Variants in STX17 observed in about 807,000 individuals in gnomAD.
STX17 encodes syntaxin-17.
A neutral mutation model predicts 35.9 loss-of-function variants in STX17; 29 were observed. The observed-to-expected ratio is 0.81, with a 90% CI of 0.60 to 1.10. STX17 has a LOEUF of 1.10. STX17 is among the 50% of genes least tolerant of loss of function. STX17 has a pLI of 0.00. For missense variants in STX17, 312 were observed against 352.3 expected (o/e 0.89, Z 0.92); for synonymous variants, 92 against 118.3 (o/e 0.78, Z 1.44).
At chr9:99,911,204 T>C (rs1451309653) in intron 1 of STX17, among the ~76,000 whole-genome samples, 2 of 151,908 alleles carry the variant, frequency 1.3e-5, no homozygotes, top group Admixed American at 1.3e-4. Context: ...CCTGGCTAAT[T>C]TTTTGTATTT....
Position 99,929,421 on chromosome 9 carries a change from T to G in STX17, c.189+578T>G, listed in dbSNP as rs895511968. On this transcript the variant is annotated intron_variant, in intron 3 of 7. Transcript: ENST00000259400. ...ATTTTAACATAATTTTTAAAAATAA[T>G]ATATTTACATGGTTTTAAAAGCCAA... Among the ~76,000 whole-genome samples the G allele has an allele frequency of 4.0e-5, 6 of 151,768 alleles. No homozygotes were observed. The South Asian group carries it at 1.2e-3, about 31-fold the overall frequency.
chr9:99,950,264 T>C (rs1829566802), intron 3 of STX17, among the ~76,000 whole-genome samples: 1 of 151,914 alleles, frequency 6.6e-6, no homozygotes. Flanking sequence ...TGTGAAGAAA[T>C]AGGCAATCAT....
rs2118561785 is a variant in STX17, at chr9:99,971,088, A to G, written c.*2415A>G. ...AATTGCTAGAAGAGTTTGATCAACT[A>G]TAAATGATAAAGTGTTTATAAGCAT... On this transcript the variant is annotated 3_prime_UTR_variant, in exon 8 of 8. Coordinates refer to ENST00000259400, the MANE Select transcript of STX17 (RefSeq NM_017919.3). 6.6e-6 allele frequency among the ~76,000 whole-genome samples: 1 copy of G among 152,354 alleles called. No individual in the cohort carries two copies. Among genetic ancestry groups the G allele is most frequent in the South Asian group, 2.1e-4 (1 of 4,832 alleles).
At chr9:99,927,006 C>T (rs566045740) in intron 2 of STX17, among the ~76,000 whole-genome samples, 53 of 152,284 alleles carry the variant, frequency 3.5e-4, no homozygotes, top group African/African-American at 1.2e-3. Flanking sequence ...TTTCTGACCA[C>T]GGGTTGTTCC....
chr9:99,928,638 A>G, intron 2 of STX17, 140 bp from the exon 3 acceptor site: 1 of 514,962 alleles, frequency 1.9e-6, no homozygotes. Context: ...GTGTTTGGAA[A>G]GTTAATTACC....
chr9:99,950,396 A>G (rs1829569534), intron 3 of STX17, among the ~76,000 whole-genome samples: 1 of 151,884 alleles, frequency 6.6e-6, no homozygotes, highest in Non-Finnish European at 1.5e-5. Context: ...TACACAAAAT[A>G]ATATATTAAT....
intron 4 of STX17, among the ~76,000 whole-genome samples, chr9:99,951,708 A>G (rs1302266175): frequency 3.3e-5 from 5 of 151,974 alleles, no homozygotes; most frequent in Non-Finnish European, 1.5e-5. Context: ...ATAACTGACA[A>G]CATTAAGTAA....
At chr9:99,961,085 A>G (rs1040854822) in intron 6 of STX17, among the ~76,000 whole-genome samples, 1 of 152,184 alleles carries the variant, frequency 6.6e-6, no homozygotes, top group South Asian at 2.1e-4. Context: ...AGCATAAGGT[A>G]CCATGGGCAA....
chr9:99,964,792 T>C (rs889604154), intron 6 of STX17, among the ~76,000 whole-genome samples: 3 of 152,104 alleles, frequency 2.0e-5, no homozygotes, highest in African/African-American at 7.2e-5. Flanking sequence ...CAGCTCTGTA[T>C]GGAGTCTGGT....
chr9:99,930,688 TAC>T (rs1829103311), intron 3 of STX17, among the ~76,000 whole-genome samples: 1 of 152,238 alleles, frequency 6.6e-6, no homozygotes, highest in Non-Finnish European at 1.5e-5. Context: ...TTTCTGTGTT[TAC>T]ATCTCTATTT....
rs1829042797 is a variant in STX17, at chr9:99,928,763, C to G, written c.124-15C>G. 1.3e-6 allele frequency: 1 copy of G among 766,420 alleles called. No individual in the cohort carries two copies. Among genetic ancestry groups the G allele is most frequent in the South Asian group, 1.6e-5 (1 of 62,134 alleles). 47.5% of individuals were successfully genotyped at this position (766,420 alleles called of 1,614,324 possible). ...TGATGAAAAATTTAATACCTCCCTT[C>G]TTTCTTTTATATAGTATCAAAGGTG... On this transcript the variant is annotated splice_polypyrimidine_tract_variant and intron_variant, in intron 2 of 7. Transcript: ENST00000259400.
At chr9:99,958,839 G>A (rs1055558519) in intron 4 of STX17, among the ~76,000 whole-genome samples, 2 of 152,214 alleles carry the variant, frequency 1.3e-5, no homozygotes, top group Admixed American at 6.5e-5. Flanking sequence ...CATCATAGCA[G>A]TGTTTAATGG....
At chr9:99,943,958 G>T (rs1234230278) in intron 3 of STX17, among the ~76,000 whole-genome samples, 1 of 151,992 alleles carries the variant, frequency 6.6e-6, no homozygotes, top group Admixed American at 6.5e-5. Context: ...TTTTGGTTTT[G>T]TGTGGCGAGG....
At chr9:99,959,199 G>A (rs1216561600) in intron 4 of STX17, among the ~76,000 whole-genome samples, 1 of 151,966 alleles carries the variant, frequency 6.6e-6, no homozygotes, top group Non-Finnish European at 1.5e-5. Flanking sequence ...TATTCAGATT[G>A]GATAGATAGT....
intron 4 of STX17, among the ~76,000 whole-genome samples, chr9:99,952,260 C>A (rs548020857): frequency 9.2e-5 from 14 of 152,166 alleles, no homozygotes; most frequent in Admixed American, 2.6e-4. Flanking sequence ...ATTTATGCAG[C>A]CAAAAAACAC....
At position 99,974,339 on chromosome 9, in the gene STX17, G is replaced by A. The variant is rs553597631; in HGVS notation, c.*5666G>A. ...CTAAAAAGGTGTTTACTTGGGTTTCGTTAACTAAACCCCCTAAAGATGTTT... is the reference window on the plus strand; with the variant it reads ...CTAAAAAGGTGTTTACTTGGGTTTCATTAACTAAACCCCCTAAAGATGTTT... On this transcript the variant is annotated 3_prime_UTR_variant, in exon 8 of 8. Transcript: ENST00000259400. 8.5e-5 allele frequency among the ~76,000 whole-genome samples: 13 copies of A among 152,150 alleles called. No homozygotes were observed. Among genetic ancestry groups the A allele is most frequent in the African/African-American group, 2.2e-4 (9 of 41,420 alleles).
At chr9:99,959,616 C>A (rs1829787560) in intron 4 of STX17, among the ~76,000 whole-genome samples, 1 of 151,994 alleles carries the variant, frequency 6.6e-6, no homozygotes, top group Non-Finnish European at 1.5e-5. Context: ...TGTGCCACTA[C>A]ACCTGGCTAA....
intron 1 of STX17, among the ~76,000 whole-genome samples, chr9:99,908,190 T>G (rs547075773): frequency 3.9e-5 from 6 of 152,342 alleles, no homozygotes; most frequent in Admixed American, 2.6e-4. Flanking sequence ...GATCACTTGG[T>G]AGAGAGTGTC....
intron 3 of STX17, among the ~76,000 whole-genome samples, chr9:99,935,868 G>A (rs982384034): frequency 2.6e-5 from 4 of 152,178 alleles, no homozygotes; most frequent in African/African-American, 9.7e-5. Context: ...ATGTGGCATA[G>A]TCAAGAAATA....
Sources: gnomAD v4.1 joint callset for allele counts (sites outside exome capture counted in the v4.1 genomes callset) on GRCh38, gnomAD v4.1.1 for gene constraint, MANE v1.5 for transcripts, NCBI Gene and HGNC (gene_info 2026-07-23, HGNC 2026-07-21) for gene names.